NKAIN2: variants seen among roughly 807,000 people sequenced by gnomAD.
NKAIN2 encodes the protein sodium/potassium-transporting ATPase subunit beta-1-interacting protein 2.
In NKAIN2, 14 loss-of-function variants were observed where a neutral mutation model predicts 32.6. The observed-to-expected ratio is 0.43, with a 90% CI of 0.28 to 0.67. The LOEUF is 0.67. Among genes scored for constraint, NKAIN2 ranks in the 30% least tolerant of loss-of-function variants. NKAIN2 has a pLI of 0.17. For synonymous variants in NKAIN2, 80 were observed against 87.2 expected, an observed-to-expected ratio of 0.92 and a Z score of 0.46; for missense variants, 198 against 258.3, an observed-to-expected ratio of 0.77 and a Z score of 1.60.
intron 3 of NKAIN2, among the ~76,000 whole-genome samples, chr6:124,582,180 A>C (rs938106941): frequency 6.6e-6 from 1 of 152,180 alleles, no homozygotes; most frequent in African/African-American, 2.4e-5. Flanking sequence ...ATAAAAAAGG[A>C]GACATTACTA....
intron 2 of NKAIN2, among the ~76,000 whole-genome samples, chr6:124,351,339 AC>A (rs890641299): frequency 3.3e-5 from 5 of 151,890 alleles, no homozygotes; most frequent in African/African-American, 9.7e-5. Flanking sequence ...AACTCTCTCT[AC>A]AAAAAATACA....
chr6:124,053,320 A>G (rs954410930), intron 1 of NKAIN2, among the ~76,000 whole-genome samples: 2 of 152,018 alleles, frequency 1.3e-5, no homozygotes, highest in African/African-American at 4.8e-5. Flanking sequence ...TAGAGGAGAA[A>G]GCTCACAGCT....
chr6:124,657,276 C>T (rs932277886), intron 3 of NKAIN2, among the ~76,000 whole-genome samples: 1 of 152,142 alleles, frequency 6.6e-6, no homozygotes, highest in Non-Finnish European at 1.5e-5. Flanking sequence ...TGCAATTTCC[C>T]ATAACTGACC....
chr6:124,270,203 A>G (rs1239575852), intron 1 of NKAIN2, among the ~76,000 whole-genome samples: 1 of 152,192 alleles, frequency 6.6e-6, no homozygotes, highest in Non-Finnish European at 1.5e-5. Flanking sequence ...TGGTAATGAC[A>G]TTGTTAAGTC....
intron 1 of NKAIN2, among the ~76,000 whole-genome samples, chr6:124,111,682 A>C (rs1785391244): frequency 6.6e-6 from 1 of 151,994 alleles, no homozygotes; most frequent in South Asian, 2.1e-4. Context: ...ATTGATAGGA[A>C]AGGATTTGCT....
chr6:124,083,482 CTG>C (rs1784063894), intron 1 of NKAIN2, among the ~76,000 whole-genome samples: 1 of 151,598 alleles, frequency 6.6e-6, no homozygotes, highest in Non-Finnish European at 1.5e-5. Context: ...TTAGTTTTCT[CTG>C]TGTTCTAAAT....
chr6:124,516,297 A>C (rs1472398514), intron 3 of NKAIN2, among the ~76,000 whole-genome samples: 1 of 152,156 alleles, frequency 6.6e-6, no homozygotes, highest in Admixed American at 6.5e-5. Flanking sequence ...TCGAAACTTG[A>C]AAGAGATGAG....
intron 4 of NKAIN2, among the ~76,000 whole-genome samples, chr6:124,723,346 T>C (rs556022771): frequency 2.0e-5 from 3 of 152,352 alleles, no homozygotes; most frequent in South Asian, 2.1e-4. Flanking sequence ...TGGGAAACTA[T>C]AAGCACTTTC....
At chr6:123,932,381 G>C (rs192375171) in intron 1 of NKAIN2, among the ~76,000 whole-genome samples, 1 of 128,766 alleles carries the variant, frequency 7.8e-6, no homozygotes, top group South Asian at 2.3e-4. Flanking sequence ...GTGTGGAGTA[G>C]AGAAGTTTGG....
chr6:124,684,704 T>C (rs1005901120), intron 4 of NKAIN2, among the ~76,000 whole-genome samples: 2 of 152,144 alleles, frequency 1.3e-5, no homozygotes, highest in Admixed American at 6.5e-5. Context: ...TTGCCGTCTA[T>C]CTCTGCAGCC....
At chr6:123,918,002 A>G (rs1775576413) in intron 1 of NKAIN2, among the ~76,000 whole-genome samples, 1 of 152,158 alleles carries the variant, frequency 6.6e-6, no homozygotes, top group South Asian at 2.1e-4. Context: ...AATTAAGTAG[A>G]TCATATTGAA....
Position 124,355,313 on chromosome 6 carries a change from T to C in NKAIN2, c.239T>C (p.Ile80Thr), listed in dbSNP as rs758889068. 1 of 1,611,210 alleles carries C rather than the reference T, an allele frequency of 6.2e-7. No homozygotes were observed. The highest frequency in any genetic ancestry group is 1.7e-5 in the Admixed American group (1 of 60,008). Residue 80 changes from isoleucine (I) to threonine (T), a missense_variant, in exon 3 of 7, where the codon ATC becomes ACC. By Grantham distance (89) the Ile-to-Thr change is moderately conservative. Coordinates refer to ENST00000368417, the MANE Select transcript of NKAIN2 (RefSeq NM_001040214.3). ...TGGGTTACGTGGAATGTGTTTGTTA[T>C]CTGCTTCTATTTGGAGGCTGGGGAC... is the stretch of plus-strand genomic sequence containing the variant. ...VLWVTWNVFVICFYLEAGDLS... is the reference protein window; with the variant it reads ...VLWVTWNVFVTCFYLEAGDLS...
At position 124,514,009 on chromosome 6, in the gene NKAIN2, A is replaced by G. The variant is rs545419464; in HGVS notation, c.274-144177A>G. Among the ~76,000 whole-genome samples the G allele has an allele frequency of 2.0e-5, 3 of 152,218 alleles. No homozygotes were observed. The South Asian group carries it at 6.2e-4, about 31-fold the overall frequency. ...CCAGCAAGGGTGAGAAATACTAGCT[A>G]TGCTATATTTGTGAAGTGTATGAAG... On this transcript the variant is annotated intron_variant, in intron 3 of 6. Transcript: ENST00000368417.
intron 3 of NKAIN2, among the ~76,000 whole-genome samples, chr6:124,614,260 G>A (rs1782799151): frequency 6.6e-6 from 1 of 152,100 alleles, no homozygotes; most frequent in Non-Finnish European, 1.5e-5. Context: ...CTGGCGTGGT[G>A]GCACGTGCCT....
At chr6:124,610,843 A>T (rs990640547) in intron 3 of NKAIN2, among the ~76,000 whole-genome samples, 7 of 152,134 alleles carry the variant, frequency 4.6e-5, no homozygotes, top group Non-Finnish European at 7.4e-5. Context: ...ACTTTTTTTT[A>T]AAGAAATGTA....
chr6:124,273,143 G>A (rs182888036), intron 1 of NKAIN2, among the ~76,000 whole-genome samples: 1 of 152,254 alleles, frequency 6.6e-6, no homozygotes, highest in East Asian at 1.9e-4. Context: ...TTTGAAATAT[G>A]AAAGGGACAT....
Position 124,517,096 on chromosome 6 carries a change from T to A in NKAIN2, c.274-141090T>A, listed in dbSNP as rs367584588. Among the ~76,000 whole-genome samples the A allele has an allele frequency of 7.9e-5, 12 of 152,304 alleles. No individual in the cohort carries two copies. The South Asian group carries it at 2.5e-3, about 32-fold the overall frequency. ...TATGTCTTGGGAGGCTTATCGTGAT[T>A]AGATTTTCACATTATATTTTCTTGG... On this transcript the variant is annotated intron_variant, in intron 3 of 6. Transcript: ENST00000368417.
intron 3 of NKAIN2, among the ~76,000 whole-genome samples, chr6:124,472,149 C>G (rs2114675099): frequency 6.6e-6 from 1 of 152,196 alleles, no homozygotes; most frequent in South Asian, 2.1e-4. Flanking sequence ...TTACTGATAA[C>G]ATCAAAATAT....
chr6:124,480,502 T>A (rs1030228237), intron 3 of NKAIN2, among the ~76,000 whole-genome samples: 17 of 152,182 alleles, frequency 1.1e-4, no homozygotes. Flanking sequence ...GACTTTTTCT[T>A]GTCAATTAAT....
Sources: gnomAD v4.1 joint callset for allele counts (sites outside exome capture counted in the v4.1 genomes callset) on GRCh38, gnomAD v4.1.1 for gene constraint, MANE v1.5 for transcripts, NCBI Gene and HGNC (gene_info 2026-07-23, HGNC 2026-07-21) for gene names.